ADAMTS12: variants seen among roughly 807,000 people sequenced by gnomAD.
ADAMTS12 encodes ADAM metallopeptidase with thrombospondin type 1 motif 12.
A neutral mutation model predicts 167.8 loss-of-function variants in ADAMTS12; 118 were observed. The ratio of observed to expected loss-of-function variants is 0.70; its 90% CI spans 0.61 to 0.82. The LOEUF (loss-of-function observed/expected upper bound fraction) is 0.82. Among genes scored for constraint, ADAMTS12 ranks in the 40% least tolerant of loss-of-function variants. The pLI is 0.00. For synonymous variants in ADAMTS12, 704 were observed against 716.9 expected (o/e 0.98, Z 0.29); for missense variants, 1,916 against 1,998.8 (o/e 0.96, Z 0.79).
chr5:33,569,712 G>A (rs1039366397), intron 19 of ADAMTS12, among the ~76,000 whole-genome samples: 14 of 152,250 alleles, frequency 9.2e-5, no homozygotes, highest in African/African-American at 3.1e-4. Context: ...AAGGAATGCA[G>A]TTCCTCACCA....
intron 2 of ADAMTS12, among the ~76,000 whole-genome samples, chr5:33,823,695 G>A (rs1279208442): frequency 1.3e-5 from 2 of 151,752 alleles, no homozygotes; most frequent in Non-Finnish European, 2.9e-5. Context: ...TGTTTAGGTG[G>A]AAACTCCTGA....
intron 20 of ADAMTS12, among the ~76,000 whole-genome samples, chr5:33,557,785 G>A (rs188397273): frequency 2.2e-3 from 330 of 152,220 alleles, no homozygotes; most frequent in African/African-American, 7.1e-3. Flanking sequence ...GGTGAGCATC[G>A]GGCGAGCAAG....
intron 3 of ADAMTS12, among the ~76,000 whole-genome samples, chr5:33,697,402 G>A (rs779462071): frequency 7.9e-5 from 12 of 152,116 alleles, no homozygotes; most frequent in African/African-American, 2.7e-4. Flanking sequence ...TTTGTTTCCC[G>A]TTGCCATGCC....
chr5:33,624,782 T>C (rs1739504508), intron 13 of ADAMTS12, among the ~76,000 whole-genome samples: 2 of 152,156 alleles, frequency 1.3e-5, no homozygotes, highest in African/African-American at 4.8e-5. Context: ...AGATTGAAAG[T>C]CATGAGCCGT....
intron 19 of ADAMTS12, among the ~76,000 whole-genome samples, chr5:33,572,571 A>G (rs1409970019): frequency 7.1e-6 from 1 of 140,238 alleles, no homozygotes; most frequent in Admixed American, 7.5e-5. Flanking sequence ...AAAACTCTCA[A>G]TAAATTAGGT....
intron 2 of ADAMTS12, among the ~76,000 whole-genome samples, chr5:33,810,806 G>A (rs1210394490): frequency 6.6e-6 from 1 of 152,144 alleles, no homozygotes; most frequent in African/African-American, 2.4e-5. Flanking sequence ...ACTCAACAAT[G>A]GCCCCTGGAG....
At chr5:33,852,066 T>G (rs1482910363) in intron 2 of ADAMTS12, among the ~76,000 whole-genome samples, 1 of 152,150 alleles carries the variant, frequency 6.6e-6, no homozygotes, top group Non-Finnish European at 1.5e-5. Flanking sequence ...ATCTAACAGT[T>G]TAACCTCCTG....
At chr5:33,872,973 A>G (rs1750095855) in intron 2 of ADAMTS12, among the ~76,000 whole-genome samples, 1 of 152,242 alleles carries the variant, frequency 6.6e-6, no homozygotes, top group African/African-American at 2.4e-5. Context: ...ATCTCTTCAT[A>G]CTTATGAGAA....
intron 3 of ADAMTS12, among the ~76,000 whole-genome samples, chr5:33,750,798 T>G (rs1395090418): frequency 1.3e-5 from 2 of 152,190 alleles, no homozygotes; most frequent in African/African-American, 4.8e-5. Flanking sequence ...GAGGACCAAT[T>G]CAGATCATTC....
At chr5:33,598,898 G>C (rs376491074) in intron 16 of ADAMTS12, among the ~76,000 whole-genome samples, 153 of 152,296 alleles carry the variant, frequency 1.0e-3, no homozygotes, top group African/African-American at 3.5e-3. Flanking sequence ...TCAGAGGCCA[G>C]ATTAGAAAAG....
At chr5:33,731,574 G>A (rs1187460728) in intron 3 of ADAMTS12, among the ~76,000 whole-genome samples, 2 of 152,216 alleles carry the variant, frequency 1.3e-5, no homozygotes, top group African/African-American at 2.4e-5. Context: ...GGCCAGTTGT[G>A]TCTACCAAGA....
At chr5:33,676,707 C>CACACAGAGAG (rs879440613) in intron 5 of ADAMTS12, among the ~76,000 whole-genome samples, 8 of 149,020 alleles carry the variant, frequency 5.4e-5, no homozygotes, top group African/African-American at 2.0e-4. Flanking sequence ...CACACACACA[C>CACACAGAGAG]AGAGAGAGAG....
intron 2 of ADAMTS12, among the ~76,000 whole-genome samples, chr5:33,774,553 T>C: frequency 6.6e-6 from 1 of 152,216 alleles, no homozygotes; most frequent in East Asian, 1.9e-4. Flanking sequence ...AGGACTGTAC[T>C]CTTATTCCAA....
intron 18 of ADAMTS12, among the ~76,000 whole-genome samples, chr5:33,588,193 C>T (rs1464177925): frequency 3.3e-5 from 5 of 152,122 alleles, no homozygotes; most frequent in South Asian, 2.1e-4. Context: ...CAGTGTCAAG[C>T]GACACTCTTT....
chr5:33,727,035 C>T (rs150011592), intron 3 of ADAMTS12, among the ~76,000 whole-genome samples: 2 of 152,216 alleles, frequency 1.3e-5, no homozygotes, highest in East Asian at 1.9e-4. Flanking sequence ...GTCAGCTCAC[C>T]GCCTCCAGCA....
intron 2 of ADAMTS12, among the ~76,000 whole-genome samples, chr5:33,793,385 A>AT (rs956869551): frequency 2.6e-5 from 4 of 152,168 alleles, no homozygotes; most frequent in African/African-American, 7.2e-5. Context: ...AATAAACTTT[A>AT]TTTTTTTGAT....
At chr5:33,761,069 C>T (rs1359352942) in intron 2 of ADAMTS12, among the ~76,000 whole-genome samples, 1 of 152,246 alleles carries the variant, frequency 6.6e-6, no homozygotes, top group African/African-American at 2.4e-5. Context: ...GGGAGAGAAC[C>T]TGTTTCCAGT....
intron 1 of ADAMTS12, among the ~76,000 whole-genome samples, chr5:33,883,759 A>C (rs1192519382): frequency 1.3e-5 from 2 of 152,150 alleles, no homozygotes; most frequent in African/African-American, 4.8e-5. Flanking sequence ...TATATAACAA[A>C]AAAAGCTTTT....
intron 1 of ADAMTS12, among the ~76,000 whole-genome samples, chr5:33,889,252 C>T (rs1750757821): frequency 6.6e-6 from 1 of 151,820 alleles, no homozygotes. Context: ...AGTTCAAGAT[C>T]AGTCTGGACA....
Sources: allele counts gnomAD v4.1 joint callset (sites outside exome capture counted in the v4.1 genomes callset), GRCh38; gene constraint gnomAD v4.1.1; transcripts MANE v1.5; gene names NCBI Gene and HGNC (gene_info 2026-07-23, HGNC 2026-07-21).